Variants in PRKAR1A observed in about 807,000 individuals in gnomAD.
PRKAR1A encodes the protein cAMP-dependent protein kinase type I-alpha regulatory subunit.
Under a neutral mutation model 52.0 loss-of-function variants are expected in PRKAR1A, and 3 were observed. That is an observed-to-expected ratio of 0.06 (90% CI 0.03 to 0.15). The LOEUF is 0.15. PRKAR1A is among the 10% of genes least tolerant of loss of function. PRKAR1A has a pLI of 1.00. For synonymous variants in PRKAR1A, 188 were observed against 168.4 expected (o/e 1.12, Z -0.90); for missense variants, 240 against 477.4 (o/e 0.50, Z 4.63).
rs1411849784 is a variant in PRKAR1A at position 68,523,763 on chromosome 17, C to G, written c.387C>G (p.Ala129=). ...ATTACAAGACAATGGCCGCTTTAGCCAAAGCCATTGAAAAGAATGTGCTGT... is the reference window on the plus strand; with the variant it reads ...ATTACAAGACAATGGCCGCTTTAGCGAAAGCCATTGAAAAGAATGTGCTGT... The part of the protein sequence containing the change: ...PKDYKTMAAL[A]KAIEKNVLFS... The change falls in exon 4 of 11, where the codon GCC becomes GCG. Residue 129 remains alanine (A), a synonymous_variant. Transcript: ENST00000589228. 8 of 1,613,666 alleles carry G rather than the reference C, an allele frequency of 5.0e-6. No individual in the cohort carries two copies. Among genetic ancestry groups the G allele is most frequent in the African/African-American group, 1.3e-5 (1 of 75,008 alleles).
At chr17:68,466,826 C>T in the PRKAR1A span, among the ~76,000 whole-genome samples, 2 of 152,104 alleles carry the variant, frequency 1.3e-5, no homozygotes, top group East Asian at 1.9e-4. Flanking sequence ...ACATCTAGTG[C>T]GTTCACAAGG....
At chr17:68,519,545 T>A (rs1358048823) in intron 2 of PRKAR1A, among the ~76,000 whole-genome samples, 1 of 152,194 alleles carries the variant, frequency 6.6e-6, no homozygotes, top group Non-Finnish European at 1.5e-5. Flanking sequence ...GGAACTATAA[T>A]TCAAGATGAG....
Position 68,529,000 on chromosome 17 carries a change from C to T in PRKAR1A, c.891+9C>T, listed in dbSNP as rs1458809354. ...TCTTCATTATTTTAGAGGTAAAGAA[C>T]TCAGAATTTAATACTTGAATTTTAG... is the stretch of plus-strand genomic sequence containing the variant. On this transcript the variant is annotated intron_variant, in intron 9 of 10. Coordinates refer to ENST00000589228, the MANE Select transcript of PRKAR1A (RefSeq NM_002734.5). 1.2e-5 allele frequency: 19 copies of T among 1,613,520 alleles called. No homozygotes were observed. The highest frequency in any genetic ancestry group is 1.7e-5 in the Admixed American group (1 of 59,964).
chr17:68,420,620 C>T, the PRKAR1A span: 1 of 864,290 alleles, frequency 1.2e-6, no homozygotes, highest in Non-Finnish European at 1.8e-6. Flanking sequence ...TCCTGTCCCT[C>T]CTCCACGCCG....
At chr17:68,427,060 G>T in the PRKAR1A span, 92 of 1,247,316 alleles carry the variant, frequency 7.4e-5, no homozygotes, top group Non-Finnish European at 1.0e-4. Context: ...AGGGGGAAGG[G>T]GAGGGAGCGT....
At chr17:68,469,047 G>A in the PRKAR1A span, among the ~76,000 whole-genome samples, 22 of 152,164 alleles carry the variant, frequency 1.4e-4, no homozygotes, top group Middle Eastern at 3.4e-3. Flanking sequence ...ACCCACTTCC[G>A]CTGGCATTCC....
At chr17:68,489,654 G>A in the PRKAR1A span, among the ~76,000 whole-genome samples, 1 of 151,598 alleles carries the variant, frequency 6.6e-6, no homozygotes, top group Non-Finnish European at 1.5e-5. Context: ...AGGTTCAAGT[G>A]ATTCTCATGC....
intron 6 of PRKAR1A, 22 bp downstream of exon 6, chr17:68,524,980 A>T (rs769319690): frequency 6.3e-7 from 1 of 1,583,734 alleles, no homozygotes; most frequent in Non-Finnish European, 8.7e-7. Context: ...CAATATCAAA[A>T]ATATGTTGAT....
chr17:68,488,087 A>G, the PRKAR1A span, among the ~76,000 whole-genome samples: 1 of 152,000 alleles, frequency 6.6e-6, no homozygotes, highest in Non-Finnish European at 1.5e-5. Flanking sequence ...GAGAGTTGCA[A>G]TTTGAAGATG....
At chr17:68,537,090 G>A (rs778459468), downstream of PRKAR1A, 1 of 463,738 alleles carries the variant, frequency 2.2e-6, no homozygotes, top group Admixed American at 2.3e-5. The surrounding 1 kb of genome is among the most constrained non-coding windows in gnomAD (Gnocchi z 4.2). Flanking sequence ...TCTTTGACTT[G>A]TAGCTAGAAT....
rs2143366717 is a variant in PRKAR1A at position 68,528,893 on chromosome 17, C to T, written c.793C>T (p.Leu265Phe). 2 of 1,613,914 alleles carry T rather than the reference C, an allele frequency of 1.2e-6. No homozygotes were observed. Among genetic ancestry groups the T allele is most frequent in the Non-Finnish European group, 1.7e-6 (2 of 1,179,866 alleles). The change falls in exon 9 of 11, where the codon CTT (leucine) becomes TTT (phenylalanine). Residue 265 changes from leucine to phenylalanine, a missense_variant. This residue lies in a region of PRKAR1A where 107 missense variants were observed against 290.9 expected (regional missense o/e 0.37). Transcript: ENST00000589228. The part of the protein sequence containing the change: ...ILESLDKWER[L>F]TVADALEPVQ... ...AGAGTCTCTGGACAAGTGGGAACGTCTTACGGTAGCTGATGCATTGGAACC... is the reference window on the plus strand; with the variant it reads ...AGAGTCTCTGGACAAGTGGGAACGTTTTACGGTAGCTGATGCATTGGAACC...
At chr17:68,426,251 G>GGGGGGGGGGGGGGGGGT in the PRKAR1A span, 2 of 825,460 alleles carry the variant, frequency 2.4e-6, no homozygotes, top group South Asian at 1.3e-5. Context: ...GTGGGGAGCG[G>GGGGGGGGGGGGGGGGGT]GGGCTCAAAT....
chr17:68,546,872 G>C (rs1284939687), intron 11 of PRKAR1A, among the ~76,000 whole-genome samples: 1 of 150,008 alleles, frequency 6.7e-6, no homozygotes, highest in Non-Finnish European at 1.5e-5. Context: ...AAGTTAGAAT[G>C]ACTCCTTGAT....
intron 9 of PRKAR1A, among the ~76,000 whole-genome samples, chr17:68,529,636 A>G (rs1290452244): frequency 1.3e-5 from 2 of 152,226 alleles, no homozygotes; most frequent in Non-Finnish European, 2.9e-5. Flanking sequence ...TATTTCAGTA[A>G]AGTTTGATTT....
chr17:68,490,001 C>T, the PRKAR1A span, among the ~76,000 whole-genome samples: 1 of 152,214 alleles, frequency 6.6e-6, no homozygotes, highest in Non-Finnish European at 1.5e-5. Flanking sequence ...GCCCTGATTA[C>T]TCAACAGGAT....
the PRKAR1A span, among the ~76,000 whole-genome samples, chr17:68,463,593 T>C: frequency 1.3e-5 from 2 of 152,120 alleles, no homozygotes; most frequent in Non-Finnish European, 2.9e-5. Flanking sequence ...TGTATAGCAG[T>C]GAAAGTGTGT....
downstream of PRKAR1A, chr17:68,536,889 A>G (rs1168141365): frequency 2.2e-6 from 1 of 453,996 alleles, no homozygotes; most frequent in Non-Finnish European, 4.4e-6. Flanking sequence ...TTGTTATAAT[A>G]TCTCTAAGAA....
chr17:68,463,924 G>C, the PRKAR1A span, among the ~76,000 whole-genome samples: 1 of 152,210 alleles, frequency 6.6e-6, no homozygotes, highest in South Asian at 2.1e-4. Flanking sequence ...GCACGTTCAA[G>C]TCTCCAGAAA....
the PRKAR1A span, among the ~76,000 whole-genome samples, chr17:68,449,887 T>C: frequency 6.6e-6 from 1 of 152,206 alleles, no homozygotes; most frequent in Non-Finnish European, 1.5e-5. Flanking sequence ...GGTGCCCACC[T>C]GTAGTCCCAG....
Sources: allele counts gnomAD v4.1 joint callset (sites outside exome capture counted in the v4.1 genomes callset), GRCh38; gene constraint gnomAD v4.1.1; regional missense constraint gnomAD v4.1.1; non-coding constraint Gnocchi (gnomAD v3.1); transcripts MANE v1.5; gene names NCBI Gene and HGNC (gene_info 2026-07-23, HGNC 2026-07-21).